The following PPP2R2D variants were observed in gnomAD, a reference collection of about 807,000 sequenced individuals.
PPP2R2D encodes the protein serine/threonine-protein phosphatase 2A 55 kDa regulatory subunit B delta isoform.
In PPP2R2D, 9 loss-of-function variants were observed where a neutral mutation model predicts 31.1. The ratio of observed to expected loss-of-function variants is 0.29; its 90% CI spans 0.17 to 0.51. PPP2R2D has a LOEUF of 0.51. Among genes scored for constraint, PPP2R2D ranks in the 20% least tolerant of loss-of-function variants. The probability of loss-of-function intolerance (pLI) is 0.98; values close to 1 mark genes in which losing one functional copy is unlikely to be tolerated. For synonymous variants in PPP2R2D, 179 were observed against 172.6 expected (o/e 1.04, Z -0.29); for missense variants, 391 against 465.6 (o/e 0.84, Z 1.48).
At position 131,947,869 on chromosome 10, in the gene PPP2R2D, C is replaced by A; in HGVS notation, c.1082+78C>A. The stretch of plus-strand genomic sequence containing the variant: ...GTGCAAGGTCAGTGAGGGAGGCGAG[C>A]TGTCCTCCAGCGTCAGAGGAGGACG... On this transcript the variant is annotated intron_variant, in intron 8 of 8. Transcript: ENST00000455566. The surrounding 1 kb of genome is among the most constrained non-coding windows in gnomAD (Gnocchi z 4.3). 1 of 1,557,598 alleles carries A rather than the reference C, an allele frequency of 6.4e-7. No individual in the cohort carries two copies.
At chr10:131,904,278 G>A (rs2035548214) in intron 2 of PPP2R2D, among the ~76,000 whole-genome samples, 1 of 150,696 alleles carries the variant, frequency 6.6e-6, no homozygotes, top group Non-Finnish European at 1.5e-5. Context: ...TTGGGAGGCC[G>A]AGGCAGGCAG....
At chr10:131,946,575 C>G (rs1415772170) in intron 7 of PPP2R2D, among the ~76,000 whole-genome samples, 2 of 152,180 alleles carry the variant, frequency 1.3e-5, no homozygotes, top group African/African-American at 4.8e-5. Context: ...ATGAGTGTTT[C>G]GTAGCATTTG....
chr10:131,947,655 G>A lies in PPP2R2D; in HGVS notation c.946G>A (p.Val316Met). The A allele has an allele frequency of 6.2e-7, 1 of 1,614,246 alleles. No individual in the cohort carries two copies. Among genetic ancestry groups the A allele is most frequent in the Non-Finnish European group, 8.5e-7 (1 of 1,180,036 alleles). The change falls in exon 8 of 9, where the codon GTG becomes ATG. Residue 316 changes from valine to methionine, a missense_variant. By Grantham distance (21) the Val-to-Met change is conservative. Coordinates refer to ENST00000455566, the MANE Select transcript of PPP2R2D (RefSeq NM_018461.5). The surrounding 1 kb of genome is among the most constrained non-coding windows in gnomAD (Gnocchi z 4.3). ...GACCAGAGACTACCTGTCGGTGAAG[G>A]TGTGGGACCTCAACATGGAGAGCAG... ...MMTRDYLSVK[V>M]WDLNMESRPV...
At chr10:131,904,892 T>A (rs1209248741) in intron 2 of PPP2R2D, among the ~76,000 whole-genome samples, 2 of 152,206 alleles carry the variant, frequency 1.3e-5, no homozygotes, top group African/African-American at 4.8e-5. Flanking sequence ...GATTTCTGTT[T>A]TGTTTTTAAA....
downstream of PPP2R2D, among the ~76,000 whole-genome samples, chr10:131,960,305 C>T (rs1283135935): frequency 6.6e-6 from 1 of 152,198 alleles, no homozygotes; most frequent in Non-Finnish European, 1.5e-5. Flanking sequence ...ATGCTGAGCA[C>T]AGTTTTCATT....
intron 2 of PPP2R2D, among the ~76,000 whole-genome samples, chr10:131,922,860 A>G (rs1311146931): frequency 6.6e-6 from 1 of 152,240 alleles, no homozygotes; most frequent in Non-Finnish European, 1.5e-5. Flanking sequence ...ACAAATTTAT[A>G]TCAGATTTTT....
intron 2 of PPP2R2D, among the ~76,000 whole-genome samples, chr10:131,913,291 A>G (rs1371688239): frequency 6.7e-6 from 1 of 150,332 alleles, no homozygotes; most frequent in African/African-American, 2.5e-5. Context: ...TCGGCCTCCC[A>G]AAGTGCTGGG....
Position 131,907,743 on chromosome 10 carries a change from CAA to C in PPP2R2D, c.100+6428_100+6429del, listed in dbSNP as rs36197827. On this transcript the variant is annotated intron_variant, in intron 2 of 8. Coordinates refer to ENST00000455566, the MANE Select transcript of PPP2R2D (RefSeq NM_018461.5). ...TGGGCAGCAGAGCGAGACTCCATAT[CAA>C]AAAAAAAAAAAAAAGATTCACAGAC... Among the ~76,000 whole-genome samples, 93 of 113,614 alleles carry C rather than the reference CAA, an allele frequency of 8.2e-4. 2 individuals are homozygous for C. In the South Asian group the frequency reaches 0.01, roughly 13 times the overall value. 74.5% of individuals were successfully genotyped at this position (113,614 alleles called of 152,430 possible).
intron 2 of PPP2R2D, among the ~76,000 whole-genome samples, chr10:131,914,575 G>A (rs1483169036): frequency 1.3e-5 from 2 of 152,176 alleles, no homozygotes; most frequent in African/African-American, 4.8e-5. Flanking sequence ...ATACAACGTT[G>A]AAAACACTAA....
At chr10:131,908,391 A>G (rs1211916583) in intron 2 of PPP2R2D, among the ~76,000 whole-genome samples, 4 of 152,238 alleles carry the variant, frequency 2.6e-5, no homozygotes, top group African/African-American at 4.8e-5. Flanking sequence ...AGCTCCCCTC[A>G]GCGTTCAGTG....
rs1435022850 is a variant in PPP2R2D, at chr10:131,956,794, G to A, written c.*831G>A. The A allele has an allele frequency of 6.2e-6, 1 of 160,626 alleles. No individual in the cohort carries two copies. The highest frequency in any genetic ancestry group is 1.3e-5 in the Non-Finnish European group (1 of 75,776). The allele number at this position is 160,626 out of a possible 1,614,324, so 10.0% of individuals were successfully genotyped here. ...CTCTGAGAAAGAAAATTGCAAGGAA[G>A]AACCAAAATTGCTGCCATCCAGTAA... On this transcript the variant is annotated 3_prime_UTR_variant, in exon 9 of 9. Coordinates refer to ENST00000455566, the MANE Select transcript of PPP2R2D (RefSeq NM_018461.5).
downstream of PPP2R2D, among the ~76,000 whole-genome samples, chr10:131,962,568 G>T (rs1484300340): frequency 6.6e-6 from 1 of 152,172 alleles, no homozygotes; most frequent in African/African-American, 2.4e-5. Context: ...TGTCTTGGAC[G>T]TTTCTAACAG....
chr10:131,939,663 C>A, intron 3 of PPP2R2D: 1 of 157,568 alleles, frequency 6.3e-6, no homozygotes, highest in Admixed American at 6.4e-5. Flanking sequence ...CTCCAGAAAA[C>A]ACAGCAGGCT....
At chr10:131,934,679 A>T in intron 3 of PPP2R2D, 124 bp downstream of exon 3, 1 of 675,744 alleles carries the variant, frequency 1.5e-6, no homozygotes, top group Middle Eastern at 2.5e-4. Context: ...CCATCACATT[A>T]GCCATACAGA....
At chr10:131,905,802 C>T (rs2035573159) in intron 2 of PPP2R2D, among the ~76,000 whole-genome samples, 1 of 152,222 alleles carries the variant, frequency 6.6e-6, no homozygotes, top group Non-Finnish European at 1.5e-5. Flanking sequence ...ACTGCTTCAG[C>T]GACCATTTGC....
intron 6 of PPP2R2D, among the ~76,000 whole-genome samples, chr10:131,944,378 C>G (rs1328064931): frequency 2.0e-5 from 3 of 152,014 alleles, no homozygotes; most frequent in African/African-American, 7.2e-5. Flanking sequence ...CTGAAGTCCA[C>G]TGCCTGCCTG....
At chr10:131,940,542 GT>G (rs1476712004) in intron 4 of PPP2R2D, 39 bp from the exon 5 acceptor site, 5 of 716,010 alleles carry the variant, frequency 7.0e-6, no homozygotes, top group Admixed American at 6.1e-5. Flanking sequence ...GCATGTTATA[GT>G]TTTTCTTTTC....
intron 2 of PPP2R2D, among the ~76,000 whole-genome samples, chr10:131,929,159 TG>T (rs2036162260): frequency 6.6e-6 from 1 of 152,158 alleles, no homozygotes; most frequent in Non-Finnish European, 1.5e-5. Flanking sequence ...GGCACCCCCT[TG>T]GATTTCTGTC....
intron 5 of PPP2R2D, among the ~76,000 whole-genome samples, chr10:131,941,447 G>T (rs1230481491): frequency 6.6e-6 from 1 of 152,142 alleles, no homozygotes; most frequent in Non-Finnish European, 1.5e-5. Context: ...ACCAGCACCT[G>T]TGCAGAGGTG....
Sources: allele counts gnomAD v4.1 joint callset (sites outside exome capture counted in the v4.1 genomes callset), GRCh38; gene constraint gnomAD v4.1.1; non-coding constraint Gnocchi (gnomAD v3.1); transcripts MANE v1.5; gene names NCBI Gene and HGNC (gene_info 2026-07-23, HGNC 2026-07-21).